Variants in PRIM2 observed in about 807,000 individuals in gnomAD.
The protein encoded by PRIM2 is DNA primase large subunit.
In PRIM2, 39 loss-of-function variants were observed where a neutral mutation model predicts 67.3. That is an observed-to-expected ratio of 0.58 (90% CI 0.45 to 0.76). The LOEUF (loss-of-function observed/expected upper bound fraction) is 0.76, where lower values mean the gene tolerates loss of function less well. Among genes scored for constraint, PRIM2 ranks in the 30% least tolerant of loss-of-function variants. The pLI, the probability that PRIM2 is intolerant of heterozygous loss-of-function variation, is 0.00. For missense variants in PRIM2, 398 were observed against 598.7 expected (o/e 0.66, Z 3.50); for synonymous variants, 143 against 198.7 (o/e 0.72, Z 2.36).
intron 12 of PRIM2, among the ~76,000 whole-genome samples, chr6:57,611,123 G>A (rs1463203658): frequency 2.6e-5 from 4 of 152,178 alleles, no homozygotes; most frequent in South Asian, 4.1e-4. Context: ...CTAGTAGGTC[G>A]AAGGATACTA....
intron 8 of PRIM2, among the ~76,000 whole-genome samples, chr6:57,526,583 C>G (rs1554349423): frequency 2.0e-5 from 3 of 152,114 alleles, no homozygotes; most frequent in Admixed American, 6.5e-5. Flanking sequence ...AAATGTTCTT[C>G]GGTCTTCTAT....
intron 12 of PRIM2, among the ~76,000 whole-genome samples, chr6:57,625,828 C>G (rs1776941488): frequency 6.6e-6 from 1 of 152,174 alleles, no homozygotes; most frequent in Admixed American, 6.5e-5. Context: ...AAACTTGGCC[C>G]TGATCTGCCA....
chr6:57,524,335 C>T (rs1554349166), intron 8 of PRIM2, among the ~76,000 whole-genome samples: 11 of 152,164 alleles, frequency 7.2e-5, no homozygotes, highest in Non-Finnish European at 1.3e-4. Flanking sequence ...TAATATGAGA[C>T]GGAAAAGTTC....
At chr6:57,385,003 T>A (rs1177145016) in intron 7 of PRIM2, among the ~76,000 whole-genome samples, 1 of 152,232 alleles carries the variant, frequency 6.6e-6, no homozygotes, top group African/African-American at 2.4e-5. Context: ...AAAAAAATTT[T>A]ACATTTGCCA....
At chr6:57,336,438 A>G (rs1187776186) in intron 5 of PRIM2, among the ~76,000 whole-genome samples, 1 of 152,226 alleles carries the variant, frequency 6.6e-6, no homozygotes. Flanking sequence ...TGAAGGAAAC[A>G]ATGTTAAGGG....
chr6:57,575,665 T>TA (rs1775949977), intron 10 of PRIM2, among the ~76,000 whole-genome samples: 1 of 152,218 alleles, frequency 6.6e-6, no homozygotes, highest in Non-Finnish European at 1.5e-5. Context: ...AATTGATATA[T>TA]AAAATATAGG....
intron 8 of PRIM2, among the ~76,000 whole-genome samples, chr6:57,525,060 C>A (rs1446175335): frequency 6.6e-6 from 1 of 151,956 alleles, no homozygotes; most frequent in South Asian, 2.1e-4. Flanking sequence ...ATTTCTCCCC[C>A]ACCCCCTGCC....
chr6:57,497,307 G>A (rs1554346467), intron 7 of PRIM2: 5 of 152,114 alleles, frequency 3.3e-5, no homozygotes, highest in Non-Finnish European at 7.4e-5. Context: ...AGGGAGAAAA[G>A]TCAGTGATCC....
chr6:57,271,474 A>G, the PRIM2 span, among the ~76,000 whole-genome samples: 1 of 152,140 alleles, frequency 6.6e-6, no homozygotes, highest in Non-Finnish European at 1.5e-5. Context: ...TGGTGGTGAT[A>G]TCCCCTTTAC....
chr6:57,484,021 G>A (rs1773688349), intron 7 of PRIM2, among the ~76,000 whole-genome samples: 3 of 152,138 alleles, frequency 2.0e-5, no homozygotes, highest in South Asian at 4.1e-4. Context: ...TTCTCATGCC[G>A]TTAAAATAGT....
intron 5 of PRIM2, among the ~76,000 whole-genome samples, chr6:57,354,938 G>A (rs924025003): frequency 2.6e-5 from 4 of 152,090 alleles, no homozygotes; most frequent in African/African-American, 9.7e-5. Context: ...TTTTCTTCCT[G>A]CTGTGAGTCA....
chr6:57,284,524 T>A, the PRIM2 span, among the ~76,000 whole-genome samples: 1 of 152,284 alleles, frequency 6.6e-6, no homozygotes, highest in East Asian at 1.9e-4. Context: ...TATCAAAATA[T>A]ATAGACTGAA....
rs577876342 is a variant in PRIM2 at position 57,445,696 on chromosome 6, T to C, written c.694-61691T>C. ...GGTTATACTTCTTTATTAATTCACATAGATTACCCTTGGCTCTGCCTGCCA... is the reference window on the plus strand; with the variant it reads ...GGTTATACTTCTTTATTAATTCACACAGATTACCCTTGGCTCTGCCTGCCA... On this transcript the variant is annotated intron_variant, in intron 7 of 13. Transcript: ENST00000615550. Among the ~76,000 whole-genome samples the C allele has an allele frequency of 6.5e-3, 992 of 152,290 alleles. 5 individuals are homozygous for C. Among genetic ancestry groups the C allele is most frequent in the Non-Finnish European group, 8.0e-3 (541 of 68,020 alleles).
chr6:57,368,432 A>G (rs934425697), intron 5 of PRIM2, among the ~76,000 whole-genome samples: 12 of 152,190 alleles, frequency 7.9e-5, no homozygotes, highest in Non-Finnish European at 1.6e-4. Context: ...AATAGAAACT[A>G]TCCAAACTAT....
chr6:57,339,097 C>T (rs1157432418), intron 5 of PRIM2, among the ~76,000 whole-genome samples: 3 of 151,832 alleles, frequency 2.0e-5, no homozygotes, highest in Admixed American at 2.0e-4. Context: ...AGTGAACTCC[C>T]ATTCACAATT....
At chr6:57,554,710 A>G (rs1368414356) in intron 10 of PRIM2, among the ~76,000 whole-genome samples, 1 of 152,260 alleles carries the variant, frequency 6.6e-6, no homozygotes, top group Non-Finnish European at 1.5e-5. Flanking sequence ...TCGTTGGCCG[A>G]AAATGGACCT....
At chr6:57,400,921 A>G (rs1770684783) in intron 7 of PRIM2, among the ~76,000 whole-genome samples, 1 of 152,006 alleles carries the variant, frequency 6.6e-6, no homozygotes, top group Non-Finnish European at 1.5e-5. Context: ...TTGTGATTGG[A>G]TTGTGAAATT....
chr6:57,642,265 G>C (rs1400342519), intron 13 of PRIM2, among the ~76,000 whole-genome samples: 1 of 151,930 alleles, frequency 6.6e-6, no homozygotes, highest in African/African-American at 2.4e-5. Context: ...GGCATTAGAA[G>C]TCCCTAATGT....
chr6:57,366,256 A>G (rs1769354530), intron 5 of PRIM2, among the ~76,000 whole-genome samples: 1 of 152,218 alleles, frequency 6.6e-6, no homozygotes, highest in Admixed American at 6.5e-5. Flanking sequence ...AAGTCATAGA[A>G]GTGAAAGAAA....
Sources: gnomAD v4.1 joint callset for allele counts (sites outside exome capture counted in the v4.1 genomes callset) on GRCh38, gnomAD v4.1.1 for gene constraint, MANE v1.5 for transcripts, NCBI Gene and HGNC (gene_info 2026-07-23, HGNC 2026-07-21) for gene names.